Variants in RIMS1 observed in about 807,000 individuals in gnomAD.
RIMS1 encodes regulating synaptic membrane exocytosis protein 1.
RIMS1 carries 83 observed loss-of-function variants against 214.1 expected under a neutral mutation model. The ratio of observed to expected loss-of-function variants is 0.39; its 90% CI spans 0.32 to 0.47. The LOEUF is 0.47. Ranked by LOEUF, RIMS1 falls within the 20% of genes least tolerant of loss-of-function variation. The pLI is 0.99. For missense variants in RIMS1, 2,050 were observed against 2,161.8 expected (o/e 0.95, Z 1.03); for synonymous variants, 793 against 786.8 (o/e 1.01, Z -0.13).
chr6:72,193,792 G>A (rs542174627), intron 6 of RIMS1, among the ~76,000 whole-genome samples: 1 of 151,922 alleles, frequency 6.6e-6, no homozygotes, highest in East Asian at 1.9e-4. Context: ...TTTGCCTGTG[G>A]TACTAATACC....
Position 72,163,803 on chromosome 6 carries a change from G to A in RIMS1, c.472-15772G>A, listed in dbSNP as rs531591239. On this transcript the variant is annotated intron_variant, in intron 4 of 33. Transcript: ENST00000521978. ...TGTCAATCTGCCCCTACTGGCTGGGGGGGGGGGGCCTCCCAGTTAGGCTAC... is the reference window on the plus strand; with the variant it reads ...TGTCAATCTGCCCCTACTGGCTGGGAGGGGGGGGCCTCCCAGTTAGGCTAC... Among the ~76,000 whole-genome samples the A allele has an allele frequency of 2.4e-4, 36 of 147,854 alleles. 3 individuals carry two copies. Among genetic ancestry groups the A allele is most frequent in the African/African-American group, 8.0e-4 (33 of 41,236 alleles).
intron 2 of RIMS1, among the ~76,000 whole-genome samples, chr6:71,997,485 T>G (rs1031920317): frequency 6.3e-4 from 96 of 152,212 alleles, no homozygotes; most frequent in African/African-American, 2.2e-3. Flanking sequence ...TCCCTTTCAT[T>G]AATTTCTTCT....
At chr6:71,892,351 T>A (rs1372211253) in intron 1 of RIMS1, among the ~76,000 whole-genome samples, 1 of 152,214 alleles carries the variant, frequency 6.6e-6, no homozygotes, top group African/African-American at 2.4e-5. Context: ...AGTTTTCCAA[T>A]GTTAGTGAAA....
chr6:72,236,962 G>A (rs1264687675), intron 8 of RIMS1, among the ~76,000 whole-genome samples: 1 of 152,098 alleles, frequency 6.6e-6, no homozygotes, highest in African/African-American at 2.4e-5. Context: ...ACTTTGGAAG[G>A]CAAAGGTGAG....
intron 2 of RIMS1, among the ~76,000 whole-genome samples, chr6:72,079,560 T>C (rs1381976963): frequency 6.6e-6 from 1 of 152,170 alleles, no homozygotes. Context: ...ATAATTGTCT[T>C]TGATGCTGAG....
chr6:72,162,793 T>C (rs1233114937), intron 4 of RIMS1, among the ~76,000 whole-genome samples: 7 of 140,566 alleles, frequency 5.0e-5, no homozygotes, highest in African/African-American at 1.5e-4. Flanking sequence ...GTGGGTAACC[T>C]GACCTTTCTC....
At chr6:71,955,426 C>A (rs1056467199) in intron 1 of RIMS1, among the ~76,000 whole-genome samples, 1 of 152,136 alleles carries the variant, frequency 6.6e-6, no homozygotes, top group African/African-American at 2.4e-5. Context: ...CTCAGCCTCC[C>A]AAACTGCTGG....
chr6:72,051,721 C>A (rs931109834), intron 2 of RIMS1, among the ~76,000 whole-genome samples: 1 of 152,126 alleles, frequency 6.6e-6, no homozygotes, highest in Admixed American at 6.5e-5. Context: ...TGGTAAGATC[C>A]TAGTAAATTT....
intron 6 of RIMS1, among the ~76,000 whole-genome samples, chr6:72,191,914 G>A (rs1239912028): frequency 6.6e-6 from 1 of 152,180 alleles, no homozygotes; most frequent in African/African-American, 2.4e-5. Flanking sequence ...ACTCGATGAT[G>A]GCACTAATCT....
At chr6:72,104,600 G>T (rs2034340853) in intron 4 of RIMS1, among the ~76,000 whole-genome samples, 1 of 152,108 alleles carries the variant, frequency 6.6e-6, no homozygotes. Flanking sequence ...GAGAGAGAGA[G>T]CCCATTCACT....
intron 1 of RIMS1, among the ~76,000 whole-genome samples, chr6:71,916,860 A>C (rs1456043403): frequency 1.2e-4 from 19 of 152,280 alleles, no homozygotes; most frequent in Admixed American, 9.8e-4. Context: ...AAGTGGGACA[A>C]CCAGAGGCTT....
At chr6:71,950,343 G>A (rs946228801) in intron 1 of RIMS1, among the ~76,000 whole-genome samples, 2 of 151,942 alleles carry the variant, frequency 1.3e-5, no homozygotes, top group African/African-American at 4.8e-5. Flanking sequence ...ACTTAAAACA[G>A]GTGAATTTTA....
intron 2 of RIMS1, among the ~76,000 whole-genome samples, chr6:71,999,282 A>G (rs1804394620): frequency 6.6e-6 from 1 of 152,112 alleles, no homozygotes; most frequent in South Asian, 2.1e-4. Context: ...TACATTGGAA[A>G]GGACTCCCAG....
intron 28 of RIMS1, 105 bp downstream of exon 28, chr6:72,313,777 G>T (rs2154296377): frequency 6.9e-6 from 8 of 1,155,326 alleles, no homozygotes; most frequent in Non-Finnish European, 9.6e-6. Context: ...GGTCACAGTG[G>T]GTTAAGTATT....
At chr6:72,167,169 C>T (rs2046380221) in intron 4 of RIMS1, among the ~76,000 whole-genome samples, 1 of 151,414 alleles carries the variant, frequency 6.6e-6, no homozygotes. Context: ...AATACTTTTT[C>T]TTAAATATAT....
intron 6 of RIMS1, among the ~76,000 whole-genome samples, chr6:72,194,445 G>A (rs1202800059): frequency 1.3e-5 from 2 of 151,868 alleles, no homozygotes; most frequent in African/African-American, 4.8e-5. Context: ...TTGTTCTTAT[G>A]TTTGTTAAAA....
chr6:72,251,959 C>T lies in RIMS1; in HGVS notation c.2698+591C>T, dbSNP rs561968111. Among the ~76,000 whole-genome samples, 10 of 152,264 alleles carry T rather than the reference C, an allele frequency of 6.6e-5. No individual in the cohort carries two copies. The South Asian group carries it at 8.3e-4, about 13-fold the overall frequency. On this transcript the variant is annotated intron_variant, in intron 15 of 33. Coordinates refer to ENST00000521978, the MANE Select transcript of RIMS1 (RefSeq NM_014989.7). ...TGAACTCCTGACCTTGTGATCCATC[C>T]GGCTCGGCCTCCCAAAGTGCTGGGA... is the stretch of plus-strand genomic sequence containing the variant.
chr6:72,170,547 G>A (rs2046890796), intron 4 of RIMS1, among the ~76,000 whole-genome samples: 1 of 152,048 alleles, frequency 6.6e-6, no homozygotes, highest in African/African-American at 2.4e-5. Flanking sequence ...GTTTCACTAT[G>A]TTGGCCAAGC....
chr6:72,231,404 A>C (rs891677641), intron 6 of RIMS1, among the ~76,000 whole-genome samples: 4 of 151,734 alleles, frequency 2.6e-5, no homozygotes, highest in African/African-American at 9.7e-5. Context: ...GTATACTAAA[A>C]TATATACAAA....
Sources: gnomAD v4.1 joint callset for allele counts (sites outside exome capture counted in the v4.1 genomes callset) on GRCh38, gnomAD v4.1.1 for gene constraint, MANE v1.5 for transcripts, NCBI Gene and HGNC (gene_info 2026-07-23, HGNC 2026-07-21) for gene names.